Variants in ARFGEF2 observed in about 807,000 individuals in gnomAD.
ARFGEF2 encodes the protein ARF guanine nucleotide exchange factor 2.
A neutral mutation model predicts 219.9 loss-of-function variants in ARFGEF2; 74 were observed. The ratio of observed to expected loss-of-function variants is 0.34; its 90% CI spans 0.28 to 0.41. The LOEUF is 0.41. ARFGEF2 is among the 10% of genes least tolerant of loss of function. The pLI, the probability that ARFGEF2 is intolerant of heterozygous loss-of-function variation, is 1.00. For missense variants in ARFGEF2, 1,743 were observed against 2,218.3 expected (o/e 0.79, Z 4.30); for synonymous variants, 733 against 799.2 (o/e 0.92, Z 1.40).
rs1054312011 is a variant in ARFGEF2, at chr20:49,016,428, C to A, written c.4315+13C>A. On this transcript the variant is annotated intron_variant, in intron 31 of 38. Coordinates refer to ENST00000371917, the MANE Select transcript of ARFGEF2 (RefSeq NM_006420.3). ...TGTGTCAAACAAGGTACTCTTTAAG[C>A]CTCTAGGCATCATTTTTCTTACATA... 7 of 1,609,818 alleles carry A rather than the reference C, an allele frequency of 4.3e-6. No individual in the cohort carries two copies. In the East Asian group the frequency reaches 1.3e-4, roughly 31 times the overall value.
intron 7 of ARFGEF2, among the ~76,000 whole-genome samples, chr20:48,964,257 T>C (rs1273921119): frequency 6.6e-6 from 1 of 152,084 alleles, no homozygotes; most frequent in Non-Finnish European, 1.5e-5. Context: ...ATACAAAAAG[T>C]AGCCGGGCGT....
At chr20:48,984,007 G>T (rs1031771049) in intron 14 of ARFGEF2, among the ~76,000 whole-genome samples, 10 of 149,284 alleles carry the variant, frequency 6.7e-5, no homozygotes, top group Non-Finnish European at 1.2e-4. Flanking sequence ...TGGAGTTCCA[G>T]ACCAGCCTGG....
At chr20:48,927,167 G>T (rs961174780) in intron 1 of ARFGEF2, among the ~76,000 whole-genome samples, 1 of 152,126 alleles carries the variant, frequency 6.6e-6, no homozygotes, top group Non-Finnish European at 1.5e-5. Context: ...TTTAAATATT[G>T]TTAAGGGATC....
intron 16 of ARFGEF2, among the ~76,000 whole-genome samples, chr20:48,986,718 G>C (rs908143673): frequency 6.6e-6 from 1 of 151,602 alleles, no homozygotes; most frequent in African/African-American, 2.4e-5. Context: ...TATTTTTTTT[G>C]AGACAGGGTC....
chr20:49,009,567 G>A (rs920316555), intron 26 of ARFGEF2, among the ~76,000 whole-genome samples: 1 of 152,144 alleles, frequency 6.6e-6, no homozygotes, highest in Non-Finnish European at 1.5e-5. Context: ...CTATTTGTGA[G>A]ATAATAAGGT....
At chr20:48,966,246 A>C (rs1358015751) in intron 8 of ARFGEF2, among the ~76,000 whole-genome samples, 2 of 152,214 alleles carry the variant, frequency 1.3e-5, no homozygotes, top group Non-Finnish European at 2.9e-5. Flanking sequence ...GTTTACTCAG[A>C]CTTCTAATAC....
intron 9 of ARFGEF2, among the ~76,000 whole-genome samples, chr20:48,969,556 A>G (rs1262927630): frequency 2.0e-5 from 3 of 152,176 alleles, no homozygotes; most frequent in African/African-American, 7.2e-5. Context: ...TAAAAAACAC[A>G]TTTTTACTAG....
At chr20:48,992,878 T>G (rs1284999530) in intron 21 of ARFGEF2, among the ~76,000 whole-genome samples, 1 of 151,626 alleles carries the variant, frequency 6.6e-6, no homozygotes, top group East Asian at 1.9e-4. Context: ...CCCCATATCT[T>G]TAAAAAAAAA....
chr20:48,922,155 C>A, intron 1 of ARFGEF2, 145 bp downstream of exon 1: 1 of 1,325,074 alleles, frequency 7.5e-7, no homozygotes, highest in Non-Finnish European at 1.0e-6. Flanking sequence ...TCATTATACC[C>A]CCGGAGGAAG....
intron 14 of ARFGEF2, among the ~76,000 whole-genome samples, chr20:48,984,464 G>C (rs1238833048): frequency 2.0e-5 from 3 of 152,202 alleles, no homozygotes; most frequent in Non-Finnish European, 4.4e-5. Context: ...ACATGGCAGT[G>C]TGTCCAGCTA....
chr20:48,939,263 G>A (rs112299192), intron 1 of ARFGEF2, among the ~76,000 whole-genome samples: 2 of 152,136 alleles, frequency 1.3e-5, no homozygotes, highest in East Asian at 1.9e-4. Context: ...ATGAGCCACC[G>A]CGCCTGGCCT....
At chr20:49,016,179 C>G in intron 30 of ARFGEF2, 101 bp from the exon 31 acceptor site, 1 of 1,251,402 alleles carries the variant, frequency 8.0e-7, no homozygotes, top group Non-Finnish European at 1.2e-6. Context: ...TGATACATAT[C>G]ACCAAATTGC....
intron 33 of ARFGEF2, 90 bp from the exon 34 acceptor site, chr20:49,018,794 G>C (rs1466548231): frequency 8.8e-5 from 89 of 1,007,590 alleles, no homozygotes; most frequent in Non-Finnish European, 1.4e-4. Flanking sequence ...TTAAATACAG[G>C]CTGGACCAGC....
chr20:48,953,560 A>T lies in ARFGEF2; in HGVS notation c.608A>T (p.Gln203Leu). The T allele has an allele frequency of 6.2e-7, 1 of 1,614,012 alleles. No homozygotes were observed. The highest frequency in any genetic ancestry group is 8.5e-7 in the Non-Finnish European group (1 of 1,179,906). Residue 203 changes from glutamine (Q) to leucine (L), a missense_variant, in exon 6 of 39, where the codon CAG becomes CTG. Physicochemically the swap from Gln to Leu is moderately radical, Grantham distance 113 (BLOSUM62 -2). Coordinates refer to ENST00000371917, the MANE Select transcript of ARFGEF2 (RefSeq NM_006420.3). ...IFTRMENQVL[Q>L]EARELEKPIQ... ...CCCCCTTTTGTTGCCTTTTAGTTGCAGGAGGCCAGAGAACTGGAAAAACCA... is the reference window on the plus strand; with the variant it reads ...CCCCCTTTTGTTGCCTTTTAGTTGCTGGAGGCCAGAGAACTGGAAAAACCA...
intron 37 of ARFGEF2, among the ~76,000 whole-genome samples, chr20:49,031,545 C>T (rs1321610661): frequency 6.6e-6 from 1 of 151,992 alleles, no homozygotes; most frequent in East Asian, 1.9e-4. Context: ...TTTTTTATCT[C>T]CATTTTATAG....
intron 26 of ARFGEF2, 57 bp downstream of exon 26, chr20:49,005,278 G>A: frequency 6.2e-7 from 1 of 1,607,168 alleles, no homozygotes; most frequent in East Asian, 2.2e-5. Context: ...GCTCCCAGAA[G>A]CCCTCCTAAC....
rs368031963 is a variant in ARFGEF2, at chr20:49,017,325, T to C, written c.4392T>C (p.Pro1464=). 1 of 1,613,988 alleles carries C rather than the reference T, an allele frequency of 6.2e-7. No homozygotes were observed. The highest frequency in any genetic ancestry group is 1.3e-5 in the African/African-American group (1 of 74,948). ...TATCCAATGGAGAGAAATTCAGTCC[T>C]GAAGTCTGGGATGAAACCTGCAACT... ...LVISNGEKFS[P]EVWDETCNCM... is the part of the protein sequence containing the mutation. Residue 1464 remains proline, a synonymous_variant, in exon 32 of 39, where the codon CCT becomes CCC. Coordinates refer to ENST00000371917, the MANE Select transcript of ARFGEF2 (RefSeq NM_006420.3).
intron 38 of ARFGEF2, 80 bp from the exon 39 acceptor site, chr20:49,032,943 T>G: frequency 2.5e-4 from 325 of 1,301,840 alleles, no homozygotes; most frequent in Non-Finnish European, 3.2e-4. Flanking sequence ...AGTTCCAGGG[T>G]GAGATTAACA....
intron 12 of ARFGEF2, among the ~76,000 whole-genome samples, chr20:48,974,523 A>G (rs929121008): frequency 2.6e-5 from 4 of 152,190 alleles, no homozygotes; most frequent in African/African-American, 9.7e-5. Context: ...CATTTTAGGA[A>G]AACACATATC....
Sources: gnomAD v4.1 joint callset for allele counts (sites outside exome capture counted in the v4.1 genomes callset) on GRCh38, gnomAD v4.1.1 for gene constraint, MANE v1.5 for transcripts, NCBI Gene and HGNC (gene_info 2026-07-23, HGNC 2026-07-21) for gene names.